FGF12: variants seen among roughly 807,000 people sequenced by gnomAD.
FGF12 encodes the protein fibroblast growth factor 12B.
A neutral mutation model predicts 23.6 loss-of-function variants in FGF12; 14 were observed. The observed-to-expected ratio is 0.59, with a 90% CI of 0.39 to 0.93. The LOEUF (loss-of-function observed/expected upper bound fraction) is 0.93. Ranked by LOEUF, FGF12 falls within the 40% of genes least tolerant of loss-of-function variation. The pLI is 0.00. For synonymous variants in FGF12, 62 were observed against 77.3 expected (o/e 0.80, Z 1.04); for missense variants, 175 against 217.8 (o/e 0.80, Z 1.24).
chr3:192,727,392 A>G (rs1348426147), intron 1 of FGF12, 69 bp from the exon 2 acceptor site: 6 of 1,482,348 alleles, frequency 4.0e-6, no homozygotes, highest in Non-Finnish European at 5.4e-6. Context: ...GAGCAGCAGC[A>G]GATTGCCTCT....
At chr3:192,160,956 T>G (rs536016220) in intron 5 of FGF12, among the ~76,000 whole-genome samples, 1 of 152,116 alleles carries the variant, frequency 6.6e-6, no homozygotes, top group Admixed American at 6.6e-5. Flanking sequence ...ACAATATTTA[T>G]CAAGCTCCTT....
rs574801831 is a variant in FGF12 at position 192,142,045 on chromosome 3, A to C, written c.*1964T>G. The stretch of plus-strand genomic sequence containing the variant: ...TGCCCCAGGGGTATTCTTTTCCTAG[A>C]AGAGCAAGTCCATTTTTAGAAAATT... On this transcript the variant is annotated 3_prime_UTR_variant, in exon 6 of 6. Coordinates refer to ENST00000445105, the MANE Select transcript of FGF12 (RefSeq NM_004113.6). The C allele has an allele frequency of 1.3e-5, 2 of 152,542 alleles. No individual in the cohort carries two copies. Among genetic ancestry groups the C allele is most frequent in the South Asian group, 2.1e-4 (1 of 4,826 alleles). The allele number at this position is 152,542 out of a possible 1,614,324, so 9.4% of individuals were successfully genotyped here.
chr3:192,561,579 G>A (rs562214554), intron 2 of FGF12, among the ~76,000 whole-genome samples: 2 of 152,068 alleles, frequency 1.3e-5, no homozygotes, highest in East Asian at 3.9e-4. Context: ...AGCCAGGATA[G>A]TCTCGATCTC....
At position 192,711,350 on chromosome 3, in the gene FGF12, G is replaced by A. The variant is rs560403735; in HGVS notation, c.13+15831C>T. Among the ~76,000 whole-genome samples, 5 of 151,590 alleles carry A rather than the reference G, an allele frequency of 3.3e-5. No homozygotes were observed. In the East Asian group the frequency reaches 5.9e-4, roughly 18 times the overall value. On this transcript the variant is annotated intron_variant, in intron 2 of 5. Transcript: ENST00000445105. ...AGGTGGGGGGCATCTCCGCCCAGCC[G>A]CCGTCCCGTCCGGGAGGTGGGGGGC...
intron 2 of FGF12, among the ~76,000 whole-genome samples, chr3:192,390,844 A>T (rs915407029): frequency 1.3e-5 from 2 of 152,226 alleles, no homozygotes; most frequent in African/African-American, 4.8e-5. Context: ...CTAAGTGTCT[A>T]CTAGGTATCA....
At chr3:192,515,189 C>T (rs12639318) in intron 2 of FGF12, 107,385 of 152,082 alleles carry the variant, frequency 0.71, 39,945 homozygotes, top group Non-Finnish European at 0.83. Context: ...CCCAGCCGTC[C>T]CGGGCTTGAG....
chr3:192,187,383 A>G lies in FGF12; in HGVS notation c.229-16727T>C, dbSNP rs148233951. ...TTGCCTGCATTCTCAACTTCCACAT[A>G]TATTTTTAATGTAAAACAGCTATAA... is the stretch of plus-strand genomic sequence containing the variant. On this transcript the variant is annotated intron_variant, in intron 4 of 5. Transcript: ENST00000445105. Among the ~76,000 whole-genome samples, 889 of 152,308 alleles carry G rather than the reference A, an allele frequency of 5.8e-3. 3 individuals carry two copies. The highest frequency in any genetic ancestry group is 8.8e-3 in the Non-Finnish European group (597 of 68,018).
intron 2 of FGF12, among the ~76,000 whole-genome samples, chr3:192,379,082 C>G (rs957242004): frequency 1.3e-5 from 2 of 152,042 alleles, no homozygotes; most frequent in Non-Finnish European, 2.9e-5. Flanking sequence ...GCTAAAGACA[C>G]GATTTAAATT....
At chr3:192,448,536 T>A (rs61588961) in intron 2 of FGF12, among the ~76,000 whole-genome samples, 1 of 152,134 alleles carries the variant, frequency 6.6e-6, no homozygotes, top group East Asian at 1.9e-4. Context: ...AAAGCAAATA[T>A]GCATTTTGCC....
At position 192,710,122 on chromosome 3, in the gene FGF12, C is replaced by T. The variant is rs116502217; in HGVS notation, c.13+17059G>A. Among the ~76,000 whole-genome samples, 669 of 152,324 alleles carry T rather than the reference C, an allele frequency of 4.4e-3. 3 individuals are homozygous for T. Among genetic ancestry groups the T allele is most frequent in the African/African-American group, 0.015 (625 of 41,580 alleles). ...GGGAAGAATACCTTAATGACCCTTA[C>T]GTCTGACAGCCTACAGTATATTGGA... On this transcript the variant is annotated intron_variant, in intron 2 of 5. Transcript: ENST00000445105.
intron 2 of FGF12, among the ~76,000 whole-genome samples, chr3:192,664,721 C>T (rs1030884111): frequency 5.9e-5 from 9 of 151,916 alleles, no homozygotes; most frequent in East Asian, 3.9e-4. Flanking sequence ...GCTGGGATCA[C>T]GCCATTGCAC....
intron 2 of FGF12, among the ~76,000 whole-genome samples, chr3:192,412,048 G>A (rs1721215909): frequency 6.6e-6 from 1 of 152,108 alleles, no homozygotes; most frequent in Non-Finnish European, 1.5e-5. Flanking sequence ...CGAAGTGGAA[G>A]TCTGTATGGG....
chr3:192,660,115 G>A (rs1247188316), intron 2 of FGF12, among the ~76,000 whole-genome samples: 17 of 151,718 alleles, frequency 1.1e-4, no homozygotes, highest in Non-Finnish European at 2.5e-4. Flanking sequence ...CAACCCAAAT[G>A]TCCAACAATG....
Position 192,230,787 on chromosome 3 carries a change from G to C in FGF12, c.229-60131C>G, listed in dbSNP as rs188421856. 1.8e-3 allele frequency among the ~76,000 whole-genome samples: 277 copies of C among 152,080 alleles called. 2 individuals are homozygous for C. Among genetic ancestry groups the C allele is most frequent in the African/African-American group, 5.4e-3 (226 of 41,494 alleles). ...TCCATGTATAATTTTAATAGGATTA[G>C]AGGACACCTTGAAATGTAAGGAATG... On this transcript the variant is annotated intron_variant, in intron 4 of 5. Transcript: ENST00000445105.
At chr3:192,562,012 A>G (rs1035110116) in intron 2 of FGF12, among the ~76,000 whole-genome samples, 1 of 152,168 alleles carries the variant, frequency 6.6e-6, no homozygotes, top group African/African-American at 2.4e-5. Flanking sequence ...AATGTCTACC[A>G]AAATAAAAAC....
chr3:192,152,109 G>T (rs1327353427), intron 5 of FGF12, among the ~76,000 whole-genome samples: 1 of 68,144 alleles, frequency 1.5e-5, no homozygotes, highest in Non-Finnish European at 3.0e-5. Context: ...TTGCGTAGAG[G>T]TGTTTGTAGT....
At chr3:192,302,421 A>G (rs1715398328) in intron 4 of FGF12, among the ~76,000 whole-genome samples, 1 of 152,204 alleles carries the variant, frequency 6.6e-6, no homozygotes. Flanking sequence ...TCCCCCTTTT[A>G]AGTCTCACTT....
intron 4 of FGF12, among the ~76,000 whole-genome samples, chr3:192,257,227 T>G (rs776539423): frequency 1.3e-5 from 2 of 152,176 alleles, no homozygotes; most frequent in African/African-American, 2.4e-5. Context: ...TTTATCAGTA[T>G]CAAAAGCCCT....
chr3:192,480,212 A>G (rs749049431), intron 2 of FGF12, among the ~76,000 whole-genome samples: 11 of 152,192 alleles, frequency 7.2e-5, no homozygotes, highest in Middle Eastern at 3.2e-3. Flanking sequence ...CAGAATAAAG[A>G]GGAAAAAACT....
Sources: allele counts gnomAD v4.1 joint callset (sites outside exome capture counted in the v4.1 genomes callset), GRCh38; gene constraint gnomAD v4.1.1; transcripts MANE v1.5; gene names NCBI Gene and HGNC (gene_info 2026-07-23, HGNC 2026-07-21).